Variants in LDAH observed in about 807,000 individuals in gnomAD.
LDAH encodes the protein lipid droplet associated hydrolase.
In LDAH, 26 loss-of-function variants were observed where a neutral mutation model predicts 29.6. That is an observed-to-expected ratio of 0.88 (90% CI 0.64 to 1.22). The LOEUF is 1.22. Among genes scored for constraint, LDAH ranks in the 50% most tolerant of loss-of-function variants. LDAH has a pLI of 0.00. For missense variants in LDAH, 344 were observed against 387.3 expected (o/e 0.89, Z 0.94); for synonymous variants, 117 against 133.0 (o/e 0.88, Z 0.83).
At chr2:20,766,836 C>A (rs953098684) in intron 4 of LDAH, among the ~76,000 whole-genome samples, 1 of 152,208 alleles carries the variant, frequency 6.6e-6, no homozygotes, top group Non-Finnish European at 1.5e-5. Flanking sequence ...CTGTGCCCCA[C>A]GTCCTTGAGG....
intron 5 of LDAH, among the ~76,000 whole-genome samples, chr2:20,708,220 T>G (rs1252932578): frequency 6.6e-6 from 1 of 152,184 alleles, no homozygotes; most frequent in Non-Finnish European, 1.5e-5. Flanking sequence ...AAAAGTGTCT[T>G]CCACAAAACC....
In LDAH at chr2:20,686,922, T is replaced by G; in HGVS notation, c.959A>C (p.Asp320Ala). The G allele has an allele frequency of 1.9e-6, 3 of 1,613,700 alleles. No individual in the cohort carries two copies. Among genetic ancestry groups the G allele is most frequent in the Non-Finnish European group, 2.5e-6 (3 of 1,179,780 alleles). Residue 320 changes from aspartate (D) to alanine (A), a missense_variant, in exon 7 of 7, where the codon GAT becomes GCT. Asp to Ala is a moderately radical substitution (Grantham distance 126, BLOSUM62 -2). Coordinates refer to ENST00000237822, the MANE Select transcript of LDAH (RefSeq NM_021925.4). ...GCCAATTTACATTTTGGACAAGTCA[T>G]CCTTTAGGGAGTCAGCAATCATGTC... is the stretch of plus-strand genomic sequence containing the variant. The part of the protein sequence containing the change: ...MADMIADSLK[D>A]DLSKM
At chr2:20,755,712 G>A (rs115912761) in intron 4 of LDAH, among the ~76,000 whole-genome samples, 1,683 of 152,256 alleles carry the variant, frequency 0.011, 26 homozygotes, top group African/African-American at 0.038. Context: ...CTGATCTGGA[G>A]ACACAGGGCA....
At chr2:20,704,909 G>A (rs963478258) in intron 5 of LDAH, among the ~76,000 whole-genome samples, 11 of 152,146 alleles carry the variant, frequency 7.2e-5, no homozygotes, top group African/African-American at 2.7e-4. Flanking sequence ...CCCCCACAGA[G>A]CCTTCCATTC....
Position 20,737,639 on chromosome 2 carries a change from T to A in LDAH, c.703+2332A>T, listed in dbSNP as rs76194882. Among the ~76,000 whole-genome samples, 318 of 152,010 alleles carry A rather than the reference T, an allele frequency of 2.1e-3. 5 individuals are homozygous for A. The highest frequency in any genetic ancestry group is 5.9e-4 in the Non-Finnish European group (40 of 67,974). ...AAGTAACTAAACAAAAGCCACAGAG[T>A]GACTCTAGGGCAGAACCAAAATGAG... On this transcript the variant is annotated intron_variant, in intron 5 of 6. Coordinates refer to ENST00000237822, the MANE Select transcript of LDAH (RefSeq NM_021925.4).
intron 3 of LDAH, among the ~76,000 whole-genome samples, chr2:20,790,006 C>G (rs1466990463): frequency 1.3e-5 from 2 of 152,208 alleles, no homozygotes; most frequent in Non-Finnish European, 2.9e-5. Context: ...TCAAAAAACA[C>G]ACAGTTGATT....
downstream of LDAH, among the ~76,000 whole-genome samples, chr2:20,683,450 T>C (rs1406654517): frequency 1.3e-5 from 2 of 152,224 alleles, no homozygotes; most frequent in Non-Finnish European, 2.9e-5. Flanking sequence ...AGCCCAAATA[T>C]ATCCTTGCCT....
intron 1 of LDAH, among the ~76,000 whole-genome samples, chr2:20,819,332 T>C (rs1023678324): frequency 2.0e-5 from 3 of 152,186 alleles, no homozygotes; most frequent in Non-Finnish European, 2.9e-5. Context: ...AGAAATAATA[T>C]ATTAATTTCC....
intron 5 of LDAH, among the ~76,000 whole-genome samples, chr2:20,714,250 T>C (rs891764443): frequency 6.6e-6 from 1 of 152,150 alleles, no homozygotes; most frequent in Non-Finnish European, 1.5e-5. Flanking sequence ...CACAACTACA[T>C]GGAAACTGAA....
intron 4 of LDAH, among the ~76,000 whole-genome samples, chr2:20,741,687 T>C (rs1667188839): frequency 3.9e-5 from 6 of 152,220 alleles, no homozygotes; most frequent in Middle Eastern, 3.2e-3. Flanking sequence ...ATAAGTTCTG[T>C]TGTTTCAGAT....
At chr2:20,756,408 G>C (rs1668345981) in intron 4 of LDAH, among the ~76,000 whole-genome samples, 1 of 152,044 alleles carries the variant, frequency 6.6e-6, no homozygotes, top group African/African-American at 2.4e-5. Context: ...ACTTACAAGA[G>C]ACAGATCAGT....
chr2:20,815,684 A>G lies in LDAH; in HGVS notation c.-3+7353T>C, dbSNP rs192981168. On this transcript the variant is annotated intron_variant, in intron 1 of 6. Transcript: ENST00000237822. Reference sequence around the variant, plus strand: ...GCCAAATTCCATATAGGACAAAACCACCCTTCAGGAACAAAGGGGAACAAC... The same window carrying G: ...GCCAAATTCCATATAGGACAAAACCGCCCTTCAGGAACAAAGGGGAACAAC... 1.3e-3 allele frequency among the ~76,000 whole-genome samples: 201 copies of G among 152,146 alleles called. 1 individual carries two copies. Among genetic ancestry groups the G allele is most frequent in the African/African-American group, 4.5e-3 (188 of 41,534 alleles).
At chr2:20,766,777 G>A (rs897666660) in intron 4 of LDAH, among the ~76,000 whole-genome samples, 9 of 152,230 alleles carry the variant, frequency 5.9e-5, no homozygotes, top group African/African-American at 1.4e-4. Flanking sequence ...AGGCATAGAC[G>A]GTGGCAGCAG....
chr2:20,751,849 G>C (rs1047057870), intron 4 of LDAH, among the ~76,000 whole-genome samples: 15 of 152,110 alleles, frequency 9.9e-5, no homozygotes, highest in African/African-American at 3.1e-4. Context: ...GGATATAAAA[G>C]AAACACGCAG....
intron 2 of LDAH, among the ~76,000 whole-genome samples, chr2:20,794,957 AT>A (rs1033721802): frequency 2.0e-4 from 30 of 152,196 alleles, no homozygotes; most frequent in Non-Finnish European, 4.1e-4. Context: ...ATACTTCACC[AT>A]TTAAACCTCC....
At chr2:20,705,210 CAA>C (rs1320469032) in intron 5 of LDAH, among the ~76,000 whole-genome samples, 2 of 152,216 alleles carry the variant, frequency 1.3e-5, no homozygotes, top group Admixed American at 1.3e-4. Context: ...GGCTTACCCT[CAA>C]GTTTATTATC....
intron 4 of LDAH, among the ~76,000 whole-genome samples, chr2:20,746,764 C>A (rs185987669): frequency 1.3e-5 from 2 of 151,944 alleles, no homozygotes; most frequent in East Asian, 3.9e-4. Flanking sequence ...TCTGTGTACA[C>A]GACCAAACAT....
chr2:20,752,620 C>T (rs569868247), intron 4 of LDAH, among the ~76,000 whole-genome samples: 24 of 152,088 alleles, frequency 1.6e-4, no homozygotes, highest in African/African-American at 4.8e-4. Context: ...ACTGAAATAG[C>T]GATCAAGTGT....
Position 20,685,827 on chromosome 2 carries a change from T to C in LDAH, c.*1076A>G. ...TGTGTCTAGAGAAGGTGAATTCACA[T>C]AACTTAATGGCTGGGTTTGGTTCAT... is the stretch of plus-strand genomic sequence containing the variant. On this transcript the variant is annotated 3_prime_UTR_variant, in exon 7 of 7. Transcript: ENST00000237822. The C allele has an allele frequency of 1.4e-6, 1 of 693,976 alleles. No homozygotes were observed. 43.0% of individuals were successfully genotyped at this position (693,976 alleles called of 1,614,324 possible).
Sources: allele counts gnomAD v4.1 joint callset (sites outside exome capture counted in the v4.1 genomes callset), GRCh38; gene constraint gnomAD v4.1.1; transcripts MANE v1.5; gene names NCBI Gene and HGNC (gene_info 2026-07-23, HGNC 2026-07-21).